GPC5: variants seen among roughly 807,000 people sequenced by gnomAD.
GPC5 encodes the protein glypican-5.
GPC5 carries 47 observed loss-of-function variants against 53.9 expected under a neutral mutation model. The observed-to-expected ratio is 0.87, with a 90% CI of 0.69 to 1.11. The LOEUF (loss-of-function observed/expected upper bound fraction) is 1.11, where lower values mean the gene tolerates loss of function less well. Among genes scored for constraint, GPC5 ranks in the 50% most tolerant of loss-of-function variants. The probability of loss-of-function intolerance (pLI) is 0.00; values close to 1 mark genes in which losing one functional copy is unlikely to be tolerated. For missense variants in GPC5, 748 were observed against 713.1 expected (o/e 1.05, Z -0.56); for synonymous variants, 286 against 263.3 (o/e 1.09, Z -0.84).
chr13:92,327,413 C>G (rs935489002), intron 7 of GPC5, among the ~76,000 whole-genome samples: 1 of 152,072 alleles, frequency 6.6e-6, no homozygotes, highest in African/African-American at 2.4e-5. Flanking sequence ...TTGTCTAGTT[C>G]AGGAAATTAG....
At chr13:91,659,812 A>G (rs2034941207) in intron 2 of GPC5, among the ~76,000 whole-genome samples, 1 of 152,088 alleles carries the variant, frequency 6.6e-6, no homozygotes, top group Admixed American at 6.6e-5. Flanking sequence ...CCTCCACTTG[A>G]GTGTAGGCTG....
chr13:91,489,438 AT>A (rs1261691048), intron 2 of GPC5, among the ~76,000 whole-genome samples: 1 of 152,182 alleles, frequency 6.6e-6, no homozygotes, highest in East Asian at 1.9e-4. Flanking sequence ...TGGGGGCTGA[AT>A]TTTGCCTGAT....
chr13:92,461,956 G>T (rs377071672), intron 7 of GPC5, among the ~76,000 whole-genome samples: 2 of 152,324 alleles, frequency 1.3e-5, no homozygotes, highest in African/African-American at 4.8e-5. Flanking sequence ...TAAAGGAACA[G>T]CAAGTGGAAA....
chr13:91,569,134 A>G (rs2031669017), intron 2 of GPC5, among the ~76,000 whole-genome samples: 1 of 152,196 alleles, frequency 6.6e-6, no homozygotes, highest in Non-Finnish European at 1.5e-5. Context: ...AAAAATTAGT[A>G]CAGTTGAAAG....
intron 5 of GPC5, among the ~76,000 whole-genome samples, chr13:91,899,218 T>C (rs2039473027): frequency 6.6e-6 from 1 of 152,102 alleles, no homozygotes; most frequent in Non-Finnish European, 1.5e-5. Context: ...TTTGTGTGTG[T>C]GAACTTAGAA....
At chr13:91,538,553 T>C (rs1444009249) in intron 2 of GPC5, among the ~76,000 whole-genome samples, 1 of 151,754 alleles carries the variant, frequency 6.6e-6, no homozygotes, top group Non-Finnish European at 1.5e-5. Context: ...TAGATGTTAA[T>C]CTCCAGAACA....
At chr13:91,673,654 C>A (rs1013971179) in intron 2 of GPC5, among the ~76,000 whole-genome samples, 3 of 152,060 alleles carry the variant, frequency 2.0e-5, no homozygotes, top group African/African-American at 7.2e-5. Flanking sequence ...GTGCCCATTA[C>A]TCCATGTCAG....
intron 2 of GPC5, among the ~76,000 whole-genome samples, chr13:91,688,628 C>T (rs1181318453): frequency 6.6e-6 from 1 of 152,068 alleles, no homozygotes; most frequent in Admixed American, 6.6e-5. Flanking sequence ...TTGTGTGCCA[C>T]TGAAGTACAG....
chr13:92,147,172 A>T (rs2041873725), intron 7 of GPC5, among the ~76,000 whole-genome samples: 1 of 152,050 alleles, frequency 6.6e-6, no homozygotes, highest in African/African-American at 2.4e-5. Context: ...AAAGAAAATG[A>T]AAAAGGGTTT....
chr13:92,601,657 G>A (rs997720233), intron 7 of GPC5, among the ~76,000 whole-genome samples: 2 of 151,342 alleles, frequency 1.3e-5, no homozygotes, highest in African/African-American at 4.9e-5. Context: ...CAGTGTGTGT[G>A]TGTTTAATAA....
At chr13:92,248,691 A>G (rs1464396281) in intron 7 of GPC5, among the ~76,000 whole-genome samples, 1 of 152,158 alleles carries the variant, frequency 6.6e-6, no homozygotes, top group East Asian at 1.9e-4. Flanking sequence ...CCAAACAATT[A>G]TTATTTCTCA....
chr13:92,762,842 G>C (rs1183210089), intron 7 of GPC5, among the ~76,000 whole-genome samples: 2 of 151,618 alleles, frequency 1.3e-5, no homozygotes, highest in Non-Finnish European at 2.9e-5. Flanking sequence ...CTTTTCAAAA[G>C]ACCTTTTTCA....
intron 7 of GPC5, among the ~76,000 whole-genome samples, chr13:92,346,912 T>C (rs1250964065): frequency 6.6e-6 from 1 of 151,970 alleles, no homozygotes; most frequent in Non-Finnish European, 1.5e-5. Context: ...AAAAATTAAA[T>C]AGATTCAACA....
Position 92,031,788 on chromosome 13 carries a change from C to CATATTATATATAATATGTAATATATTAT in GPC5, c.1402-113026_1402-113025insGTAATATATTATATATTATATATAATAT, listed in dbSNP as rs2040849038. On this transcript the variant is annotated intron_variant, in intron 6 of 7. Transcript: ENST00000377067. ...ATTATATATAATATATAATATATTA[C>CATATTATATATAATATGTAATATATTAT]ATATTATATATAATATATAATATAT... Among the ~76,000 whole-genome samples the CATATTATATATAATATGTAATATATTAT allele has an allele frequency of 6.6e-4, 48 of 72,502 alleles. 5 individuals are homozygous for CATATTATATATAATATGTAATATATTAT. Among genetic ancestry groups the CATATTATATATAATATGTAATATATTAT allele is most frequent in the African/African-American group, 2.9e-3 (46 of 15,968 alleles). 47.6% of individuals were successfully genotyped at this position (72,502 alleles called of 152,430 possible).
chr13:92,161,159 T>G (rs1051720273), intron 7 of GPC5, among the ~76,000 whole-genome samples: 3 of 152,142 alleles, frequency 2.0e-5, no homozygotes, highest in Non-Finnish European at 4.4e-5. Flanking sequence ...TCATGGAGTA[T>G]ATAACCTGCA....
intron 7 of GPC5, among the ~76,000 whole-genome samples, chr13:92,302,535 TTC>T (rs1249613097): frequency 1.3e-5 from 2 of 152,240 alleles, no homozygotes; most frequent in Non-Finnish European, 2.9e-5. Context: ...TTTGTATTAA[TTC>T]TCTGTTTGAC....
chr13:92,673,673 G>A (rs1398345567), intron 7 of GPC5, among the ~76,000 whole-genome samples: 2 of 152,166 alleles, frequency 1.3e-5, no homozygotes, highest in African/African-American at 4.8e-5. Context: ...TACAGTGACA[G>A]CTTGAAAATC....
At chr13:91,422,504 T>G (rs1878706847) in intron 1 of GPC5, among the ~76,000 whole-genome samples, 1 of 152,002 alleles carries the variant, frequency 6.6e-6, no homozygotes, top group Non-Finnish European at 1.5e-5. Context: ...GGCATGGTAG[T>G]AGGTGCCTGT....
chr13:91,701,032 C>A (rs571802130), intron 3 of GPC5, among the ~76,000 whole-genome samples: 1 of 152,122 alleles, frequency 6.6e-6, no homozygotes, highest in Non-Finnish European at 1.5e-5. Flanking sequence ...TAAATTAATA[C>A]TGCATAAACT....
Sources: gnomAD v4.1 joint callset for allele counts (sites outside exome capture counted in the v4.1 genomes callset) on GRCh38, gnomAD v4.1.1 for gene constraint, MANE v1.5 for transcripts, NCBI Gene and HGNC (gene_info 2026-07-23, HGNC 2026-07-21) for gene names.